The following CHRNA5 variants were observed in gnomAD, a reference collection of about 807,000 sequenced individuals.
CHRNA5 encodes the protein cholinergic receptor nicotinic alpha 5 subunit.
In CHRNA5, 28 loss-of-function variants were observed where a neutral mutation model predicts 41.2. That is an observed-to-expected ratio of 0.68 (90% CI 0.50 to 0.93). The LOEUF (loss-of-function observed/expected upper bound fraction) is 0.93. Among genes scored for constraint, CHRNA5 ranks in the 40% least tolerant of loss-of-function variants. The probability of loss-of-function intolerance (pLI) is 0.00; values close to 1 mark genes in which losing one functional copy is unlikely to be tolerated. For synonymous variants in CHRNA5, 188 were observed against 205.8 expected (o/e 0.91, Z 0.74); for missense variants, 481 against 581.9 (o/e 0.83, Z 1.78).
chr15:78,576,514 G>A (rs1392863339), intron 1 of CHRNA5, among the ~76,000 whole-genome samples: 3 of 152,184 alleles, frequency 2.0e-5, no homozygotes, highest in Non-Finnish European at 2.9e-5. Context: ...AAGTAAGGCC[G>A]GGCGTGGTGG....
At chr15:78,578,404 A>G (rs1035314414) in intron 1 of CHRNA5, among the ~76,000 whole-genome samples, 3 of 152,212 alleles carry the variant, frequency 2.0e-5, no homozygotes, top group African/African-American at 7.2e-5. Flanking sequence ...GCTGTTCGGG[A>G]GGCTGAGACA....
chr15:78,569,537 C>T (rs138252274), intron 1 of CHRNA5, among the ~76,000 whole-genome samples: 4,787 of 151,042 alleles, frequency 0.032, 258 homozygotes, highest in African/African-American at 0.11. Context: ...GGGTTCACGC[C>T]GTTCTCCTGC....
In CHRNA5 at chr15:78,588,288, T is replaced by C; in HGVS notation, c.304-26T>C. On this transcript the variant is annotated intron_variant, in intron 3 of 5. Coordinates refer to ENST00000299565, the Ensembl canonical transcript of CHRNA5. The surrounding 1 kb of genome is among the most constrained non-coding windows in gnomAD (Gnocchi z 4.1). ...TTTTTGACTATTAGTTTTATTGAAA[T>C]TGAGGCAGATTTCTTTGTTTTAAAG... 1 of 1,242,324 alleles carries C rather than the reference T, an allele frequency of 8.0e-7. No individual in the cohort carries two copies. The allele number at this position is 1,242,324 out of a possible 1,614,324, so 77.0% of individuals were successfully genotyped here. A position where few individuals can be genotyped will look rare whatever the true frequency, so the allele number is the denominator to read the frequency against.
At chr15:78,566,749 G>A (rs2052751410) in intron 1 of CHRNA5, among the ~76,000 whole-genome samples, 1 of 152,168 alleles carries the variant, frequency 6.6e-6, no homozygotes, top group Non-Finnish European at 1.5e-5. Context: ...GAAGTAATAA[G>A]ACTAGAATAA....
At chr15:78,571,593 T>C (rs908357687) in intron 1 of CHRNA5, among the ~76,000 whole-genome samples, 1 of 151,398 alleles carries the variant, frequency 6.6e-6, no homozygotes, top group Non-Finnish European at 1.5e-5. Context: ...TTTTTTTTTT[T>C]TTTTGAAGTG....
chr15:78,567,263 A>G (rs201599362), intron 1 of CHRNA5, among the ~76,000 whole-genome samples: 77 of 147,102 alleles, frequency 5.2e-4, no homozygotes, highest in African/African-American at 1.8e-3. Context: ...AAAAAAAAAA[A>G]AAAAGAAAAG....
At chr15:78,590,463 C>T (rs1476159331) in exon 5 of CHRNA5, 6 of 1,614,196 alleles carry the variant, frequency 3.7e-6, no homozygotes, top group Non-Finnish European at 4.2e-6. Context: ...GATATTTCTT[C>T]ACACGCTTCC....
chr15:78,573,761 C>A (rs931236593), intron 1 of CHRNA5, among the ~76,000 whole-genome samples: 2 of 151,670 alleles, frequency 1.3e-5, no homozygotes, highest in Non-Finnish European at 2.9e-5. Context: ...TGGAAAAATG[C>A]CAGAGCAAAG....
intron 2 of CHRNA5, among the ~76,000 whole-genome samples, chr15:78,581,739 C>T (rs2052914592): frequency 6.6e-6 from 1 of 152,116 alleles, no homozygotes; most frequent in African/African-American, 2.4e-5. Context: ...CCGGAGATGA[C>T]TAATGTTAAT....
chr15:78,572,778 G>A (rs981548707), intron 1 of CHRNA5, among the ~76,000 whole-genome samples: 1 of 152,082 alleles, frequency 6.6e-6, no homozygotes, highest in Non-Finnish European at 1.5e-5. Context: ...CACCACACCT[G>A]GCTGGTATAT....
At chr15:78,569,853 C>G (rs1268589733) in intron 1 of CHRNA5, among the ~76,000 whole-genome samples, 1 of 151,858 alleles carries the variant, frequency 6.6e-6, no homozygotes, top group Non-Finnish European at 1.5e-5. Flanking sequence ...CAGAGTCTCA[C>G]TCTGTCGCCC....
At chr15:78,582,754 T>A (rs747950661) in intron 2 of CHRNA5, among the ~76,000 whole-genome samples, 28 of 152,108 alleles carry the variant, frequency 1.8e-4, no homozygotes, top group Non-Finnish European at 3.5e-4. Context: ...ACAATATAGT[T>A]GTAGGTATAT....
intron 5 of CHRNA5, among the ~76,000 whole-genome samples, chr15:78,592,459 A>T (rs927840673): frequency 6.6e-6 from 1 of 152,164 alleles, no homozygotes; most frequent in Non-Finnish European, 1.5e-5. Context: ...TGGTCAAGGA[A>T]ATGGCCTTGT....
chr15:78,592,360 C>A (rs143705953), intron 5 of CHRNA5, among the ~76,000 whole-genome samples: 2,398 of 152,222 alleles, frequency 0.016, 54 homozygotes, highest in African/African-American at 0.054. Context: ...GTTTACAATG[C>A]CCTAAATTCT....
intron 1 of CHRNA5, among the ~76,000 whole-genome samples, chr15:78,572,350 T>TA (rs1407859836): frequency 3.3e-5 from 5 of 152,348 alleles, no homozygotes. Context: ...CTGAAGACTA[T>TA]AAATGCCAAT....
At chr15:78,579,468 C>T (rs907602262) in intron 1 of CHRNA5, among the ~76,000 whole-genome samples, 1 of 152,032 alleles carries the variant, frequency 6.6e-6, no homozygotes, top group Admixed American at 6.6e-5. Context: ...TGGCCAGGTT[C>T]GTCTCGAACT....
chr15:78,580,682 G>A, intron 1 of CHRNA5, 129 bp from the exon 2 acceptor site: 1 of 603,884 alleles, frequency 1.7e-6, no homozygotes, highest in South Asian at 3.0e-5. Flanking sequence ...CATGGCCCAG[G>A]TTGGAGTGCA....
chr15:78,581,801 G>A (rs961383893), intron 2 of CHRNA5, among the ~76,000 whole-genome samples: 1 of 152,080 alleles, frequency 6.6e-6, no homozygotes, highest in Middle Eastern at 3.2e-3. Flanking sequence ...TACAAAATTG[G>A]AATAATATTT....
intron 1 of CHRNA5, among the ~76,000 whole-genome samples, chr15:78,566,202 G>A (rs935858482): frequency 6.6e-6 from 1 of 152,066 alleles, no homozygotes; most frequent in Non-Finnish European, 1.5e-5. Context: ...AGAGACTCTG[G>A]GGTTCATTCT....
Sources: allele counts gnomAD v4.1 joint callset (sites outside exome capture counted in the v4.1 genomes callset), GRCh38; gene constraint gnomAD v4.1.1; non-coding constraint Gnocchi (gnomAD v3.1); transcripts MANE v1.5; gene names NCBI Gene and HGNC (gene_info 2026-07-23, HGNC 2026-07-21).